The following STS variants were observed in gnomAD, a reference collection of about 807,000 sequenced individuals.
STS encodes the protein steryl-sulfatase.
Under a neutral mutation model 26.8 loss-of-function variants are expected in STS, and 7 were observed. The ratio of observed to expected loss-of-function variants is 0.26; its 90% CI spans 0.15 to 0.49. The LOEUF is 0.49. STS is among the 20% of genes least tolerant of loss of function. STS has a pLI of 0.98. For missense variants in STS, 434 were observed against 465.6 expected (o/e 0.93, Z 0.63); for synonymous variants, 199 against 189.4 (o/e 1.05, Z -0.42).
chrX:7,322,494 G>A (rs1211385457), intron 8 of STS, among the ~76,000 whole-genome samples: 6 of 111,519 alleles, frequency 5.4e-5, no homozygotes, highest in African/African-American at 2.0e-4. Flanking sequence ...TCCACCTCCC[G>A]GGTTCAAGCA....
At chrX:7,161,793 A>G (rs1359897321) in intron 1 of STS, among the ~76,000 whole-genome samples, 2 of 111,938 alleles carry the variant, frequency 1.8e-5, no homozygotes, top group Non-Finnish European at 3.8e-5. Flanking sequence ...AGTTTGCTCC[A>G]TTTCGTGTCA....
chrX:7,292,480 T>A (rs941966752), intron 7 of STS, among the ~76,000 whole-genome samples: 5 of 112,256 alleles, frequency 4.5e-5, no homozygotes, highest in Non-Finnish European at 9.4e-5. Flanking sequence ...AGAATATACA[T>A]CCACATTCAT....
At chrX:7,200,839 C>A (rs1388792690) in intron 2 of STS, among the ~76,000 whole-genome samples, 1 of 111,905 alleles carries the variant, frequency 8.9e-6, no homozygotes, top group Non-Finnish European at 1.9e-5. Context: ...TGTTCACCTG[C>A]AAGCCACACA....
chrX:7,344,443 G>T (rs1928431729), intron 10 of STS, among the ~76,000 whole-genome samples: 1 of 111,309 alleles, frequency 9.0e-6, no homozygotes, highest in South Asian at 3.8e-4. Context: ...TGCCTGTCAT[G>T]GTGGGAAGGT....
At chrX:7,239,745 A>G (rs1186629999) in intron 2 of STS, among the ~76,000 whole-genome samples, 2 of 111,563 alleles carry the variant, frequency 1.8e-5, no homozygotes, top group African/African-American at 6.5e-5. Flanking sequence ...AAGTACTTTT[A>G]TGTTAACTGA....
intron 1 of STS, among the ~76,000 whole-genome samples, chrX:7,159,519 G>T (rs551508560): frequency 3.6e-5 from 4 of 112,130 alleles, no homozygotes; most frequent in Non-Finnish European, 7.5e-5. Flanking sequence ...CTGTTTGTCT[G>T]TCCCACCCCA....
At chrX:7,219,336 A>G (rs1921443250) in intron 2 of STS, 2 of 869,517 alleles carry the variant, frequency 2.3e-6, no homozygotes, top group African/African-American at 4.1e-5. Context: ...GACACAAATC[A>G]TACCGAAGGG....
intron 8 of STS, among the ~76,000 whole-genome samples, chrX:7,310,510 C>T (rs766094282): frequency 1.3e-4 from 14 of 111,865 alleles, no homozygotes; most frequent in Non-Finnish European, 2.3e-4. Context: ...GAAAGGAGTT[C>T]AAGCTGAGAG....
intron 2 of STS, among the ~76,000 whole-genome samples, chrX:7,223,658 G>A (rs1371896794): frequency 9.1e-6 from 1 of 109,744 alleles, no homozygotes; most frequent in African/African-American, 3.3e-5. Flanking sequence ...CTAGATATTA[G>A]CACTTTGTCA....
chrX:7,241,624 G>A (rs1211825888), intron 2 of STS, among the ~76,000 whole-genome samples: 3 of 111,788 alleles, frequency 2.7e-5, no homozygotes, highest in Admixed American at 9.5e-5. Context: ...CTTTTTTCTC[G>A]TCCTCATTGA....
intron 6 of STS, among the ~76,000 whole-genome samples, chrX:7,268,273 ATG>A (rs1400711545): frequency 1.8e-5 from 2 of 112,065 alleles, no homozygotes; most frequent in African/African-American, 6.5e-5. Context: ...CAGCTGATAA[ATG>A]TATTATTGGA....
At chrX:7,211,987 G>T (rs772972464) in intron 2 of STS, among the ~76,000 whole-genome samples, 1 of 111,952 alleles carries the variant, frequency 8.9e-6, no homozygotes, top group Non-Finnish European at 1.9e-5. Context: ...GCTGCAGATC[G>T]CGGGAGCAGA....
At chrX:7,316,107 C>G (rs1218624141) in intron 8 of STS, among the ~76,000 whole-genome samples, 1 of 111,635 alleles carries the variant, frequency 9.0e-6, no homozygotes, top group Non-Finnish European at 1.9e-5. Flanking sequence ...AAGGTGGACC[C>G]CAGTCAGGAC....
intron 7 of STS, among the ~76,000 whole-genome samples, chrX:7,303,626 C>T (rs1437293098): frequency 9.0e-6 from 1 of 111,313 alleles, no homozygotes; most frequent in Non-Finnish European, 1.9e-5. Context: ...TCTAATATAC[C>T]AGTCAAAGCC....
At chrX:7,227,243 A>G (rs780501926) in intron 2 of STS, among the ~76,000 whole-genome samples, 15 of 111,612 alleles carry the variant, frequency 1.3e-4, no homozygotes, top group African/African-American at 4.5e-4. Context: ...TTGCTTATCT[A>G]TATTCCTTTT....
At chrX:7,309,678 T>A (rs1018266406) in intron 8 of STS, among the ~76,000 whole-genome samples, 4 of 111,969 alleles carry the variant, frequency 3.6e-5, no homozygotes, top group Non-Finnish European at 7.5e-5. Context: ...AGGTTATTCC[T>A]TTTAATAAGA....
chrX:7,234,251 G>A (rs1316342537), intron 2 of STS, among the ~76,000 whole-genome samples: 1 of 112,040 alleles, frequency 8.9e-6, no homozygotes, highest in African/African-American at 3.2e-5. Flanking sequence ...GAAAAACTCT[G>A]TGCACAGAGA....
chrX:7,324,166 G>A (rs766718373), intron 8 of STS, among the ~76,000 whole-genome samples: 6 of 109,903 alleles, frequency 5.5e-5, no homozygotes, highest in East Asian at 2.9e-4. Context: ...AGTCAAAATC[G>A]GGGGGTGGGG....
At chrX:7,256,306 A>C (rs1266446023) in intron 3 of STS, among the ~76,000 whole-genome samples, 2 of 112,521 alleles carry the variant, frequency 1.8e-5, no homozygotes, top group Non-Finnish European at 3.8e-5. Flanking sequence ...TCACTCTACA[A>C]GTGAGCTCAT....
Sources: allele counts gnomAD v4.1 joint callset (sites outside exome capture counted in the v4.1 genomes callset), GRCh38; gene constraint gnomAD v4.1.1; transcripts MANE v1.5; gene names NCBI Gene and HGNC (gene_info 2026-07-23, HGNC 2026-07-21).